SLC12A7: variants seen among roughly 807,000 people sequenced by gnomAD.
The protein encoded by SLC12A7 is K-Cl cotransporter 4.
SLC12A7 carries 100 observed loss-of-function variants against 120.6 expected under a neutral mutation model. The ratio of observed to expected loss-of-function variants is 0.83; its 90% confidence interval spans 0.71 to 0.98. The LOEUF is 0.98. SLC12A7 is among the 50% of genes least tolerant of loss of function. The probability of loss-of-function intolerance (pLI) is 0.00; values close to 1 mark genes in which losing one functional copy is unlikely to be tolerated. For synonymous variants in SLC12A7, 760 were observed against 678.0 expected (o/e 1.12, Z -1.88); for missense variants, 1,373 against 1,548.1 (o/e 0.89, Z 1.90).
chr5:1,074,004 G>C (rs1254824782), intron 16 of SLC12A7, among the ~76,000 whole-genome samples: 1 of 152,196 alleles, frequency 6.6e-6, no homozygotes, highest in Non-Finnish European at 1.5e-5. Flanking sequence ...ACAGGTGACA[G>C]GTGAGACAGG....
chr5:1,081,718 C>T lies in SLC12A7; in HGVS notation c.1156G>A (p.Ala386Thr), dbSNP rs760342163. ...CCTTTCTTCTCCACAAACGCCCCCGCGTGCGCGTACGTACTCCACAGGTTC... is the reference window on the plus strand; with the variant it reads ...CCTTTCTTCTCCACAAACGCCCCCGTGTGCGCGTACGTACTCCACAGGTTC... ...LENLWSTYAH[A>T]GAFVEKKGVP... The change falls in exon 9 of 24, where the codon GCG becomes ACG. Residue 386 changes from alanine (A) to threonine (T), a missense_variant. Coordinates refer to ENST00000264930, the MANE Select transcript of SLC12A7 (RefSeq NM_006598.3). 146 of 1,612,796 alleles carry T rather than the reference C, an allele frequency of 9.1e-5. No individual in the cohort carries two copies. Among genetic ancestry groups the T allele is most frequent in the Non-Finnish European group, 1.2e-4 (141 of 1,179,952 alleles).
chr5:1,090,255 G>A (rs1740349322), intron 3 of SLC12A7, among the ~76,000 whole-genome samples: 1 of 152,216 alleles, frequency 6.6e-6, no homozygotes, highest in Non-Finnish European at 1.5e-5. Context: ...GGCCAAGGCT[G>A]GGGCCAGGGC....
At chr5:1,133,334 T>A in the SLC12A7 span, among the ~76,000 whole-genome samples, 1 of 152,210 alleles carries the variant, frequency 6.6e-6, no homozygotes, top group African/African-American at 2.4e-5. Flanking sequence ...CCCGACCTCC[T>A]CAGGATCTTC....
chr5:1,078,234 C>T (rs933436704), intron 11 of SLC12A7, among the ~76,000 whole-genome samples: 1 of 152,154 alleles, frequency 6.6e-6, no homozygotes, highest in Non-Finnish European at 1.5e-5. Context: ...CTGCTCACCT[C>T]AGGGTCGCTC....
Position 1,052,222 on chromosome 5 carries a change from G to A in SLC12A7, c.*138C>T, listed in dbSNP as rs768657423. 24 of 737,192 alleles carry A rather than the reference G, an allele frequency of 3.3e-5. No individual in the cohort carries two copies. The African/African-American group carries it at 3.5e-4, about 11-fold the overall frequency. 45.7% of individuals were successfully genotyped at this position (737,192 alleles called of 1,614,324 possible). A position where few individuals can be genotyped will look rare whatever the true frequency, so the allele number is the denominator to read the frequency against. On this transcript the variant is annotated 3_prime_UTR_variant, in exon 24 of 24. Coordinates refer to ENST00000264930, the MANE Select transcript of SLC12A7 (RefSeq NM_006598.3). ...GGTGACGGGCCTAGAAACTTCCGTAGGAAGCCCCATGGGCAGCTTGGGCGG... is the reference window on the plus strand; with the variant it reads ...GGTGACGGGCCTAGAAACTTCCGTAAGAAGCCCCATGGGCAGCTTGGGCGG...
chr5:1,118,777 A>G, the SLC12A7 span, among the ~76,000 whole-genome samples: 1 of 152,260 alleles, frequency 6.6e-6, no homozygotes, highest in Non-Finnish European at 1.5e-5. Context: ...AGCTGTGCTC[A>G]TAACATCAAA....
Position 1,050,619 on chromosome 5 carries a change from G to A in SLC12A7, c.*1741C>T. On this transcript the variant is annotated 3_prime_UTR_variant, in exon 24 of 24. Coordinates refer to ENST00000264930, the MANE Select transcript of SLC12A7 (RefSeq NM_006598.3). The stretch of plus-strand genomic sequence containing the variant: ...CCCTCAGAAGCAGGGCTGTTTTCCA[G>A]CCACCAACCAACGTTCAGAGCCAGC... 8.1e-6 allele frequency: 3 copies of A among 372,240 alleles called. No homozygotes were observed. The highest frequency in any genetic ancestry group is 1.4e-5 in the Non-Finnish European group (3 of 209,912). 23.1% of individuals were successfully genotyped at this position (372,240 alleles called of 1,614,324 possible). A position where few individuals can be genotyped will look rare whatever the true frequency, so the allele number is the denominator to read the frequency against.
chr5:1,146,024 C>A, the SLC12A7 span, among the ~76,000 whole-genome samples: 1 of 152,138 alleles, frequency 6.6e-6, no homozygotes, highest in African/African-American at 2.4e-5. The surrounding 1 kb of genome is among the most constrained non-coding windows in gnomAD (Gnocchi z 6.5). Context: ...CCATTCCCCT[C>A]CCCCAGCCCC....
intron 1 of SLC12A7, among the ~76,000 whole-genome samples, chr5:1,100,614 G>A (rs960351034): frequency 5.9e-5 from 9 of 152,238 alleles, no homozygotes; most frequent in African/African-American, 1.2e-4. Flanking sequence ...CGGGGAGACC[G>A]CGCCAAGTGC....
chr5:1,055,893 G>C (rs1267621682), intron 22 of SLC12A7, among the ~76,000 whole-genome samples: 2 of 152,210 alleles, frequency 1.3e-5, no homozygotes, highest in Non-Finnish European at 2.9e-5. Context: ...TCAGGTTTCG[G>C]GGTTAAAGAT....
At chr5:1,115,813 C>G, upstream of SLC12A7, among the ~76,000 whole-genome samples, 1 of 135,418 alleles carries the variant, frequency 7.4e-6, no homozygotes. Context: ...TAGGGCAGAG[C>G]AGAAGAGAGA....
chr5:1,054,567 G>A (rs1461560351), intron 22 of SLC12A7, among the ~76,000 whole-genome samples: 2 of 152,350 alleles, frequency 1.3e-5, no homozygotes, highest in African/African-American at 2.4e-5. Context: ...GTGTGGACTT[G>A]AAAGTCGGAG....
chr5:1,091,698 C>T (rs975248131), intron 3 of SLC12A7, among the ~76,000 whole-genome samples: 5 of 151,368 alleles, frequency 3.3e-5, no homozygotes, highest in Non-Finnish European at 5.9e-5. Context: ...GTGCTGAGCC[C>T]GGCACACCAC....
At chr5:1,056,584 G>A (rs998766585) in intron 22 of SLC12A7, 2 of 985,360 alleles carry the variant, frequency 2.0e-6, no homozygotes, top group South Asian at 4.7e-5. Context: ...GGACTTACAG[G>A]TTTCCCCATT....
At chr5:1,154,137 A>T in the SLC12A7 span, among the ~76,000 whole-genome samples, 26 of 151,732 alleles carry the variant, frequency 1.7e-4, no homozygotes, top group Non-Finnish European at 2.9e-4. Context: ...AACCCACAGG[A>T]ACAAGTGTCC....
intron 22 of SLC12A7, 145 bp from the exon 23 acceptor site, chr5:1,053,627 A>T: frequency 9.0e-7 from 1 of 1,115,538 alleles, no homozygotes. Flanking sequence ...CTGACCCTGA[A>T]GGATGCAGAA....
chr5:1,080,701 A>T (rs761761093), intron 9 of SLC12A7, among the ~76,000 whole-genome samples: 6 of 152,132 alleles, frequency 3.9e-5, no homozygotes, highest in Non-Finnish European at 7.4e-5. Context: ...CCTGGGGAAC[A>T]ACCAAGGGCC....
intron 1 of SLC12A7, among the ~76,000 whole-genome samples, chr5:1,100,969 A>G (rs571044382): frequency 6.6e-6 from 1 of 152,288 alleles, no homozygotes; most frequent in Non-Finnish European, 1.5e-5. Context: ...ACCACCCACC[A>G]GGAGCCCTCG....
At chr5:1,111,837 C>T in intron 1 of SLC12A7, 31 bp downstream of exon 1, 1 of 1,200,704 alleles carries the variant, frequency 8.3e-7, no homozygotes, top group Admixed American at 4.4e-5. Context: ...GGGCGCTCGG[C>T]CTTTGTCCGG....
Sources: gnomAD v4.1 joint callset for allele counts (sites outside exome capture counted in the v4.1 genomes callset) on GRCh38, gnomAD v4.1.1 for gene constraint, Gnocchi (gnomAD v3.1) non-coding constraint, MANE v1.5 for transcripts, NCBI Gene and HGNC (gene_info 2026-07-23, HGNC 2026-07-21) for gene names.